The following MED13L variants were observed in gnomAD, a reference collection of about 807,000 sequenced individuals.
The protein encoded by MED13L is mediator of RNA polymerase II transcription subunit 13-like.
A neutral mutation model predicts 220.9 loss-of-function variants in MED13L; 7 were observed. The observed-to-expected ratio is 0.03, with a 90% CI of 0.02 to 0.06. MED13L has a LOEUF of 0.06. MED13L is among the 10% of genes least tolerant of loss of function. MED13L has a pLI of 1.00. For synonymous variants in MED13L, 1,011 were observed against 1,015.2 expected (o/e 1.00, Z 0.08); for missense variants, 1,965 against 2,760.5 (o/e 0.71, Z 6.46).
intron 2 of MED13L, among the ~76,000 whole-genome samples, chr12:116,225,162 C>T (rs562111408): frequency 6.6e-6 from 1 of 152,354 alleles, no homozygotes; most frequent in East Asian, 1.9e-4. Flanking sequence ...GCTAAGTTAG[C>T]ACATTGTCTC....
chr12:115,981,662 C>T (rs758182083), intron 22 of MED13L, among the ~76,000 whole-genome samples: 4 of 152,028 alleles, frequency 2.6e-5, no homozygotes, highest in Admixed American at 2.6e-4. Flanking sequence ...TATACATAAA[C>T]GTGTCCTATG....
At chr12:116,143,730 C>T (rs1348237902) in intron 2 of MED13L, among the ~76,000 whole-genome samples, 3 of 152,136 alleles carry the variant, frequency 2.0e-5, no homozygotes, top group African/African-American at 7.2e-5. Context: ...AAACAAACTG[C>T]AGCGCAAAGC....
At chr12:115,987,570 G>A (rs1471967861) in intron 17 of MED13L, among the ~76,000 whole-genome samples, 2 of 152,092 alleles carry the variant, frequency 1.3e-5, no homozygotes, top group Non-Finnish European at 2.9e-5. Context: ...GGATAGGTGC[G>A]ACTTTTTAAA....
intron 4 of MED13L, among the ~76,000 whole-genome samples, chr12:116,065,610 A>G (rs1869859230): frequency 6.6e-6 from 1 of 152,160 alleles, no homozygotes; most frequent in African/African-American, 2.4e-5. Flanking sequence ...TCTGAAGAAA[A>G]TATGATTGCA....
intron 4 of MED13L, among the ~76,000 whole-genome samples, chr12:116,057,645 T>G (rs1869086576): frequency 6.6e-6 from 1 of 151,464 alleles, no homozygotes; most frequent in South Asian, 2.1e-4. Context: ...TGGTCATTAT[T>G]ATGGTCTCTG....
intron 1 of MED13L, among the ~76,000 whole-genome samples, chr12:116,268,410 T>C (rs1872995077): frequency 6.6e-6 from 1 of 152,258 alleles, no homozygotes; most frequent in Non-Finnish European, 1.5e-5. Context: ...TATACTCTTC[T>C]GAATACCTTA....
chr12:115,996,389 G>C, intron 16 of MED13L, 87 bp downstream of exon 16: 1 of 1,485,982 alleles, frequency 6.7e-7, no homozygotes, highest in Non-Finnish European at 9.4e-7. Context: ...ACCGCGCCCG[G>C]ACCTTGTCAT....
intron 4 of MED13L, among the ~76,000 whole-genome samples, chr12:116,062,616 T>C (rs1869601335): frequency 6.6e-6 from 1 of 151,820 alleles, no homozygotes; most frequent in East Asian, 2.0e-4. Flanking sequence ...TCCTCCTGAG[T>C]AGCTGGCACT....
At chr12:116,235,400 T>C (rs1418281089) in intron 2 of MED13L, among the ~76,000 whole-genome samples, 1 of 152,168 alleles carries the variant, frequency 6.6e-6, no homozygotes, top group African/African-American at 2.4e-5. Context: ...AGAGAAAATA[T>C]TCACAATACT....
chr12:115,981,013 C>A, intron 22 of MED13L, 75 bp from the exon 23 acceptor site: 1 of 1,317,636 alleles, frequency 7.6e-7, no homozygotes, highest in Non-Finnish European at 1.1e-6. Context: ...AACAAGCAAG[C>A]TGAAAAAGGA....
rs559023057 is a variant in MED13L, at chr12:116,165,226, G to C, written c.311-53714C>G. 2.9e-5 allele frequency among the ~76,000 whole-genome samples: 4 copies of C among 136,532 alleles called. 1 individual carries two copies. In the Admixed American group the frequency reaches 3.0e-4, roughly 10 times the overall value. 89.6% of individuals were successfully genotyped at this position (136,532 alleles called of 152,430 possible). A position where few individuals can be genotyped will look rare whatever the true frequency, so the allele number is the denominator to read the frequency against. On this transcript the variant is annotated intron_variant, in intron 2 of 30. Transcript: ENST00000281928. ...CCCCTCTGAGGTTCTGTCCAAGATA[G>C]AAAGGGCTTAAGGCAATGAAGTAGG...
intron 26 of MED13L, 30 bp downstream of exon 26, chr12:115,972,048 A>C (rs748725338): frequency 1.2e-6 from 2 of 1,610,332 alleles, no homozygotes; most frequent in Non-Finnish European, 1.7e-6. Flanking sequence ...TGTGATATGT[A>C]ATTAATGACA....
intron 4 of MED13L, among the ~76,000 whole-genome samples, chr12:116,054,626 T>C (rs1868795585): frequency 1.3e-5 from 2 of 152,224 alleles, no homozygotes; most frequent in Non-Finnish European, 2.9e-5. Context: ...TGACTCCTAC[T>C]GTCCAGCTGA....
chr12:115,982,969 A>G lies in MED13L; in HGVS notation c.4955+148T>C, dbSNP rs1287205584. The G allele has an allele frequency of 6.1e-6, 5 of 817,142 alleles. No homozygotes were observed. In the Admixed American group the frequency reaches 1.1e-4, roughly 18 times the overall value. The allele number at this position is 817,142 out of a possible 1,614,324, so 50.6% of individuals were successfully genotyped here. A position where few individuals can be genotyped will look rare whatever the true frequency, so the allele number is the denominator to read the frequency against. ...CAAATTTTTAACACTGCAGCTTTAG[A>G]TCGACCATTGCCCCTTTCTTTTGAG... On this transcript the variant is annotated intron_variant, in intron 21 of 30. Coordinates refer to ENST00000281928, the MANE Select transcript of MED13L (RefSeq NM_015335.5).
intron 2 of MED13L, among the ~76,000 whole-genome samples, chr12:116,171,236 C>G (rs1879662324): frequency 6.6e-6 from 1 of 152,174 alleles, no homozygotes; most frequent in Non-Finnish European, 1.5e-5. Context: ...GAGTATCAAA[C>G]AAACAGAAAT....
At chr12:116,009,749 T>C (rs1463430377) in intron 9 of MED13L, among the ~76,000 whole-genome samples, 4 of 152,128 alleles carry the variant, frequency 2.6e-5, no homozygotes, top group African/African-American at 4.8e-5. Flanking sequence ...CACGTTAAAA[T>C]GACAGAAGTT....
intron 2 of MED13L, among the ~76,000 whole-genome samples, chr12:116,200,873 C>A (rs919928009): frequency 6.6e-6 from 1 of 152,020 alleles, no homozygotes; most frequent in Non-Finnish European, 1.5e-5. Context: ...CATAGTAGAT[C>A]GGGTAGCTTT....
intron 22 of MED13L, 84 bp downstream of exon 22, chr12:115,982,300 A>C: frequency 7.2e-7 from 1 of 1,395,914 alleles, no homozygotes; most frequent in Non-Finnish European, 1.0e-6. Context: ...TCCATTTTTT[A>C]AGAAAAATCA....
intron 4 of MED13L, among the ~76,000 whole-genome samples, chr12:116,058,632 G>C (rs995579691): frequency 6.6e-6 from 1 of 152,122 alleles, no homozygotes; most frequent in African/African-American, 2.4e-5. Flanking sequence ...GATGCAATAA[G>C]AGACCTTTCT....
Sources: gnomAD v4.1 joint callset for allele counts (sites outside exome capture counted in the v4.1 genomes callset) on GRCh38, gnomAD v4.1.1 for gene constraint, MANE v1.5 for transcripts, NCBI Gene and HGNC (gene_info 2026-07-23, HGNC 2026-07-21) for gene names.